The following TENM3 variants were observed in gnomAD, a reference collection of about 807,000 sequenced individuals.
The protein encoded by TENM3 is teneurin-3.
Under a neutral mutation model 255.1 loss-of-function variants are expected in TENM3, and 63 were observed. That is an observed-to-expected ratio of 0.25 (90% confidence interval 0.20 to 0.30). The LOEUF (loss-of-function observed/expected upper bound fraction) is 0.30. Among genes scored for constraint, TENM3 ranks in the 10% least tolerant of loss-of-function variants. TENM3 has a pLI of 1.00. For missense variants in TENM3, 2,929 were observed against 3,461.1 expected (o/e 0.85, Z 3.86); for synonymous variants, 1,306 against 1,322.3 (o/e 0.99, Z 0.27).
chr4:181,828,445 A>C, the TENM3 span, among the ~76,000 whole-genome samples: 1 of 152,214 alleles, frequency 6.6e-6, no homozygotes, highest in Non-Finnish European at 1.5e-5. Flanking sequence ...AAATCTTCAA[A>C]ATATCCCAAT....
rs182377318 is a variant in TENM3, at chr4:182,518,900, A to G, written c.512-82024A>G. Among the ~76,000 whole-genome samples, 25 of 152,352 alleles carry G rather than the reference A, an allele frequency of 1.6e-4. No individual in the cohort carries two copies. In the East Asian group the frequency reaches 4.6e-3, roughly 28 times the overall value. On this transcript the variant is annotated intron_variant, in intron 3 of 27. Coordinates refer to ENST00000511685, the MANE Select transcript of TENM3 (RefSeq NM_001080477.4). The stretch of plus-strand genomic sequence containing the variant: ...AATCCCAAACCTATTAAGGAAAACA[A>G]CTAATAATAACTTATTTATTTAGTA...
At chr4:182,772,118 G>A (rs943515765) in intron 22 of TENM3, among the ~76,000 whole-genome samples, 2 of 152,072 alleles carry the variant, frequency 1.3e-5, no homozygotes, top group Non-Finnish European at 2.9e-5. Context: ...TCCTGGCGGA[G>A]TCTTCTCTGT....
chr4:182,688,204 A>G lies in TENM3; in HGVS notation c.2074A>G (p.Met692Val), dbSNP rs778394324. Residue 692 changes from methionine to valine, a missense_variant, in exon 12 of 28, where the codon ATG becomes GTG. Physicochemically the swap from Met to Val is conservative, Grantham distance 21. Around this residue, in one of 6 missense-constraint regions of TENM3, gnomAD observed 1,608 missense variants for 1,884.4 expected, o/e 0.85. Coordinates refer to ENST00000511685, the MANE Select transcript of TENM3 (RefSeq NM_001080477.4). ...GGACTGTGGCTCACACGGCGTTTGC[A>G]TGGGGGGGACGTGTCGCTGTGAAGA... ...SVDCGSHGVC[M>V]GGTCRCEEGW... 2 of 1,613,658 alleles carry G rather than the reference A, an allele frequency of 1.2e-6. No individual in the cohort carries two copies. The highest frequency in any genetic ancestry group is 1.7e-6 in the Non-Finnish European group (2 of 1,179,758).
intron 1 of TENM3, among the ~76,000 whole-genome samples, chr4:182,197,610 G>A (rs771781558): frequency 1.3e-5 from 2 of 152,140 alleles, no homozygotes; most frequent in Non-Finnish European, 2.9e-5. Flanking sequence ...TGTGTAAAGG[G>A]CCCTAAATAG....
At chr4:181,807,516 G>A in the TENM3 span, among the ~76,000 whole-genome samples, 1 of 152,204 alleles carries the variant, frequency 6.6e-6, no homozygotes, top group East Asian at 1.9e-4. Context: ...ACCATGCCCA[G>A]ATAATTTTGT....
intron 3 of TENM3, among the ~76,000 whole-genome samples, chr4:182,477,621 A>G (rs891088599): frequency 3.3e-5 from 5 of 151,194 alleles, no homozygotes; most frequent in African/African-American, 1.2e-4. Flanking sequence ...ATTGCATTCT[A>G]TGATTTTCCC....
intron 1 of TENM3, among the ~76,000 whole-genome samples, chr4:182,197,214 T>C (rs570556138): frequency 6.6e-6 from 1 of 152,266 alleles, no homozygotes; most frequent in East Asian, 1.9e-4. Context: ...GTTCAGTGTT[T>C]AACATTGGTT....
chr4:182,218,163 C>T (rs1484592139), intron 1 of TENM3, among the ~76,000 whole-genome samples: 2 of 152,148 alleles, frequency 1.3e-5, no homozygotes, highest in Non-Finnish European at 2.9e-5. Context: ...AGTCCTCAGT[C>T]AAAATATACC....
In TENM3 at chr4:182,799,773, C is replaced by T. The variant is rs1411090074; in HGVS notation, c.7522C>T (p.Arg2508Cys). 2 of 1,586,766 alleles carry T rather than the reference C, an allele frequency of 1.3e-6. No homozygotes were observed. Among genetic ancestry groups the T allele is most frequent in the Admixed American group, 1.8e-5 (1 of 56,162 alleles). Residue 2508 changes from arginine to cysteine, a missense_variant, in exon 28 of 28, where the codon CGC becomes TGC. By Grantham distance (180) the Arg-to-Cys change is radical. Around this residue, in one of 6 missense-constraint regions of TENM3, gnomAD observed 476 missense variants for 480.1 expected, o/e 0.99. Coordinates refer to ENST00000511685, the MANE Select transcript of TENM3 (RefSeq NM_001080477.4). The surrounding 1 kb of genome is among the most constrained non-coding windows in gnomAD (Gnocchi z 4.2). The stretch of plus-strand genomic sequence containing the variant: ...CGTCATGCTGGCCGTCAGCCAGGGC[C>T]GCGTGCAGACCAACGTGCTCAACAT... ...KGVMLAVSQGRVQTNVLNIAN... is the reference protein window; with the variant it reads ...KGVMLAVSQGCVQTNVLNIAN...
At chr4:182,602,901 TA>T (rs538956428) in intron 4 of TENM3, among the ~76,000 whole-genome samples, 22 of 152,340 alleles carry the variant, frequency 1.4e-4, no homozygotes, top group African/African-American at 5.1e-4. Flanking sequence ...TAGTTGACAA[TA>T]ATTGTTTTGA....
chr4:181,579,895 G>C, the TENM3 span, among the ~76,000 whole-genome samples: 1 of 151,684 alleles, frequency 6.6e-6, no homozygotes, highest in Non-Finnish European at 1.5e-5. Context: ...CCCATGTTTG[G>C]GAGACTGCCA....
chr4:181,690,578 C>T, the TENM3 span, among the ~76,000 whole-genome samples: 55 of 151,750 alleles, frequency 3.6e-4, no homozygotes, highest in African/African-American at 1.2e-3. Context: ...TTATGCTCAA[C>T]GAAATTGTGA....
upstream of TENM3, chr4:182,142,858 C>G (rs1279159952): frequency 6.0e-6 from 1 of 166,948 alleles, no homozygotes; most frequent in East Asian, 1.9e-4. Context: ...GTCCCGGACC[C>G]GAAAGGAGCC....
the TENM3 span, among the ~76,000 whole-genome samples, chr4:182,111,477 G>A: frequency 1.3e-5 from 2 of 152,028 alleles, no homozygotes; most frequent in Non-Finnish European, 2.9e-5. Context: ...TTTTTAAAGG[G>A]CATGTACTCA....
the TENM3 span, among the ~76,000 whole-genome samples, chr4:181,926,312 T>C: frequency 6.6e-6 from 1 of 151,934 alleles, no homozygotes; most frequent in African/African-American, 2.4e-5. Flanking sequence ...AGGCAAGAGG[T>C]AGAAGGGACA....
intron 1 of TENM3, among the ~76,000 whole-genome samples, chr4:182,188,346 AGGTTTCTCAAGAAACCTT>A (rs1437759734): frequency 1.3e-5 from 2 of 152,066 alleles, no homozygotes; most frequent in African/African-American, 4.8e-5. Context: ...TCAAATCTCA[AGGTTTCTCAAGAAACCTT>A]GAGCATCCAA....
the TENM3 span, among the ~76,000 whole-genome samples, chr4:182,122,126 A>T: frequency 6.6e-6 from 1 of 152,164 alleles, no homozygotes; most frequent in Non-Finnish European, 1.5e-5. Flanking sequence ...AGAAATGCAG[A>T]CTCATCTTCA....
At chr4:181,679,272 C>G in the TENM3 span, among the ~76,000 whole-genome samples, 2 of 152,110 alleles carry the variant, frequency 1.3e-5, no homozygotes, top group Non-Finnish European at 2.9e-5. Flanking sequence ...AAATCTTCTT[C>G]CACCACATGG....
chr4:181,514,304 G>A, the TENM3 span, among the ~76,000 whole-genome samples: 148 of 152,054 alleles, frequency 9.7e-4, no homozygotes, highest in African/African-American at 3.5e-3. Flanking sequence ...TAAAGCTTTG[G>A]TTCACTGACT....
Sources: allele counts gnomAD v4.1 joint callset (sites outside exome capture counted in the v4.1 genomes callset), GRCh38; gene constraint gnomAD v4.1.1; regional missense constraint gnomAD v4.1.1; non-coding constraint Gnocchi (gnomAD v3.1); transcripts MANE v1.5; gene names NCBI Gene and HGNC (gene_info 2026-07-23, HGNC 2026-07-21).